Variants in PROC observed in about 807,000 individuals in gnomAD.
PROC encodes the protein protein C, inactivator of coagulation factors Va and VIIIa, also known as vitamin K-dependent protein C.
A neutral mutation model predicts 36.3 loss-of-function variants in PROC; 22 were observed. The ratio of observed to expected loss-of-function variants is 0.61; its 90% CI spans 0.43 to 0.86. PROC has a LOEUF of 0.86. PROC is among the 40% of genes least tolerant of loss of function. The pLI, the probability that PROC is intolerant of heterozygous loss-of-function variation, is 0.00. For missense variants in PROC, 526 were observed against 629.7 expected, an observed-to-expected ratio of 0.84 and a Z score of 1.76; for synonymous variants, 218 against 244.5, an observed-to-expected ratio of 0.89 and a Z score of 1.01.
intron 8 of PROC, among the ~76,000 whole-genome samples, 196 bp from the exon 9 acceptor site, chr2:127,428,161 C>T (rs1036389722): frequency 1.3e-5 from 2 of 152,208 alleles, no homozygotes; most frequent in African/African-American, 2.4e-5. Flanking sequence ...GAAAAGTCAC[C>T]GTTGATAGGG....
In PROC at chr2:127,425,791, G is replaced by A. The variant is rs79471708; in HGVS notation, c.536-294G>A. 2.0e-4 allele frequency among the ~76,000 whole-genome samples: 30 copies of A among 152,012 alleles called. No homozygotes were observed. The East Asian group carries it at 5.6e-3, about 28-fold the overall frequency. ...CAGGGATTACCCCCAACAGCCCTGG[G>A]GTACAATGAGCCTTCAAGAAGTTTA... On this transcript the variant is annotated intron_variant, in intron 6 of 8. Coordinates refer to ENST00000234071, the MANE Select transcript of PROC (RefSeq NM_000312.4).
In PROC at chr2:127,418,818, G is replaced by A. The variant is rs995589321; in HGVS notation, c.-22+326G>A. Reference sequence around the variant, plus strand: ...TCGGATTTGAACAAATCTCAGAAGTGGCCTCAGAGGGAGTCGGCAAGAATG... The same window carrying A: ...TCGGATTTGAACAAATCTCAGAAGTAGCCTCAGAGGGAGTCGGCAAGAATG... On this transcript the variant is annotated intron_variant, in intron 1 of 8. Transcript: ENST00000234071. This position sits in a 1 kb window ranked among gnomAD's most constrained non-coding sequence, Gnocchi z 4.8. Among the ~76,000 whole-genome samples the A allele has an allele frequency of 5.3e-5, 8 of 152,190 alleles. No individual in the cohort carries two copies. Among genetic ancestry groups the A allele is most frequent in the African/African-American group, 1.7e-4 (7 of 41,456 alleles).
chr2:127,419,782 G>A (rs1444331638), intron 1 of PROC, 140 bp from the exon 2 acceptor site: 2 of 1,523,232 alleles, frequency 1.3e-6, no homozygotes, highest in East Asian at 2.5e-5. Flanking sequence ...TATGTCTCTA[G>A]CGAACAAGGA....
At chr2:127,422,624 G>T (rs1434792377) in intron 3 of PROC, among the ~76,000 whole-genome samples, 2 of 152,246 alleles carry the variant, frequency 1.3e-5, no homozygotes, top group Admixed American at 6.5e-5. Context: ...TCCCTTGCAT[G>T]CCAGAGGCTG....
intron 3 of PROC, 113 bp from the exon 4 acceptor site, chr2:127,422,800 CTGTT>C: frequency 7.1e-7 from 1 of 1,402,802 alleles, no homozygotes; most frequent in Non-Finnish European, 9.7e-7. Flanking sequence ...GCGTCGATCC[CTGTT>C]TGTCTGGAAG....
intron 6 of PROC, chr2:127,423,679 A>C: frequency 4.1e-6 from 2 of 486,754 alleles, no homozygotes; most frequent in South Asian, 3.1e-5. Flanking sequence ...ACCTGGGGCC[A>C]CCTCCTGGAG....
Position 127,428,926 on chromosome 2 carries a change from C to T in PROC, c.1366C>T (p.Gln456Ter). ...HGHIRDKEAP[Q>*]KSWAP ...GCACATCAGAGACAAGGAAGCCCCC[C>T]AGAAGAGCTGGGCACCTTAGCGACC... Residue 456 changes from glutamine (Q) to a stop codon, truncating the protein, a stop_gained, in exon 9 of 9, where the codon CAG becomes TAG. Transcript: ENST00000234071. LOFTEE classifies it high-confidence loss of function. 1.2e-6 allele frequency: 2 copies of T among 1,613,970 alleles called. No individual in the cohort carries two copies. The highest frequency in any genetic ancestry group is 2.2e-5 in the South Asian group (2 of 91,090).
Position 127,423,174 on chromosome 2 carries a change from G to A in PROC, c.400+3G>A. ...GGAGGGCCGCTTCTGCCAGCGCGGT[G>A]AGGGGGAGAGGTGGATGCTGGCGGG... On this transcript the variant is annotated splice_donor_region_variant and intron_variant, in intron 5 of 8. Coordinates refer to ENST00000234071, the MANE Select transcript of PROC (RefSeq NM_000312.4). 6.4e-7 allele frequency: 1 copy of A among 1,567,090 alleles called. No homozygotes were observed. Among genetic ancestry groups the A allele is most frequent in the Non-Finnish European group, 8.6e-7 (1 of 1,156,142 alleles).
chr2:127,425,934 T>C (rs758219878), intron 6 of PROC, 151 bp from the exon 7 acceptor site: 5 of 782,428 alleles, frequency 6.4e-6, no homozygotes, highest in South Asian at 4.5e-5. Flanking sequence ...AGGGGGTTCA[T>C]AGCTAATATT....
chr2:127,419,678 C>A, intron 1 of PROC: 1 of 832,496 alleles, frequency 1.2e-6, no homozygotes, highest in Non-Finnish European at 1.8e-6. Flanking sequence ...CACAAACATC[C>A]TGGCACCCTC....
In PROC at chr2:127,426,748, G is replaced by A. The variant is rs190103271; in HGVS notation, c.679-357G>A. Among the ~76,000 whole-genome samples the A allele has an allele frequency of 5.3e-4, 81 of 152,310 alleles. 1 individual carries two copies. The East Asian group carries it at 0.012, about 22-fold the overall frequency. On this transcript the variant is annotated intron_variant, in intron 7 of 8. Coordinates refer to ENST00000234071, the MANE Select transcript of PROC (RefSeq NM_000312.4). This position sits in a 1 kb window ranked among gnomAD's most constrained non-coding sequence, Gnocchi z 7.0. ...AGCCAGGACGGCCCTTCAAGATAGG[G>A]GCTGAGGGAGGCCCAAGGGGAACAT...
chr2:127,420,978 G>A (rs1337910727), intron 2 of PROC, among the ~76,000 whole-genome samples: 4 of 152,194 alleles, frequency 2.6e-5, no homozygotes, highest in South Asian at 2.1e-4. Context: ...TTTTGGATGA[G>A]TAAATTGAAC....
In PROC at chr2:127,426,384, G is replaced by A. The variant is rs751202257; in HGVS notation, c.678+157G>A. ...GGGGATGCTTCAGGGAAAGATGGAC[G>A]CAACCTGAGGGGAGAGGAGCAGCCA... is the stretch of plus-strand genomic sequence containing the variant. On this transcript the variant is annotated intron_variant, in intron 7 of 8. Coordinates refer to ENST00000234071, the MANE Select transcript of PROC (RefSeq NM_000312.4). The surrounding 1 kb of genome is among the most constrained non-coding windows in gnomAD (Gnocchi z 7.0). 2.1e-5 allele frequency: 23 copies of A among 1,103,934 alleles called. No homozygotes were observed. Among genetic ancestry groups the A allele is most frequent in the South Asian group, 5.8e-5 (4 of 69,184 alleles). The allele number at this position is 1,103,934 out of a possible 1,614,324, so 68.4% of individuals were successfully genotyped here. A position where few individuals can be genotyped will look rare whatever the true frequency, so the allele number is the denominator to read the frequency against.
chr2:127,429,195 G>A lies in PROC; in HGVS notation c.*249G>A. On this transcript the variant is annotated 3_prime_UTR_variant, in exon 9 of 9. Transcript: ENST00000234071. Reference sequence around the variant, plus strand: ...TGCGGGGTCTAAAGCTGTGTGTGTTGAGGGGGATACTCTGTTTATGAAAAA... The same window carrying A: ...TGCGGGGTCTAAAGCTGTGTGTGTTAAGGGGGATACTCTGTTTATGAAAAA... The A allele has an allele frequency of 1.8e-6, 1 of 543,306 alleles. No homozygotes were observed. The highest frequency in any genetic ancestry group is 2.3e-5 in the South Asian group (1 of 42,976). 33.7% of individuals were successfully genotyped at this position (543,306 alleles called of 1,614,324 possible).
Position 127,421,540 on chromosome 2 carries a change from G to A in PROC, c.237+91G>A, listed in dbSNP as rs925524338. On this transcript the variant is annotated intron_variant, in intron 3 of 8. Transcript: ENST00000234071. ...GGAGCAGGTGGGGACTCAATGCTGA[G>A]GCCCTCTTAGGAGTTGTGGGGGTGG... is the stretch of plus-strand genomic sequence containing the variant. 8.8e-6 allele frequency: 13 copies of A among 1,471,074 alleles called. No homozygotes were observed. In the South Asian group the frequency reaches 1.1e-4, roughly 12 times the overall value. 91.1% of individuals were successfully genotyped at this position (1,471,074 alleles called of 1,614,324 possible). A position where few individuals can be genotyped will look rare whatever the true frequency, so the allele number is the denominator to read the frequency against.
intron 1 of PROC, 133 bp from the exon 2 acceptor site, chr2:127,419,789 A>G: frequency 2.6e-6 from 4 of 1,537,750 alleles, no homozygotes; most frequent in Non-Finnish European, 3.5e-6. Context: ...CTAGCGAACA[A>G]GGACCCTCAA....
At position 127,418,541 on chromosome 2, in the gene PROC, C is replaced by T. The variant is rs1421538175; in HGVS notation, c.-22+49C>T. ...TATGAGGGGTGTGGAGGGAGGGCTGCCCCCGGGAGAAGAGAGCTAGGTGGT... is the reference window on the plus strand; with the variant it reads ...TATGAGGGGTGTGGAGGGAGGGCTGTCCCCGGGAGAAGAGAGCTAGGTGGT... On this transcript the variant is annotated intron_variant, in intron 1 of 8. Transcript: ENST00000234071. The surrounding 1 kb of genome is among the most constrained non-coding windows in gnomAD (Gnocchi z 4.8). The T allele has an allele frequency of 7.8e-7, 1 of 1,274,684 alleles. No individual in the cohort carries two copies. The highest frequency in any genetic ancestry group is 5.6e-5 in the East Asian group (1 of 17,946). 79.0% of individuals were successfully genotyped at this position (1,274,684 alleles called of 1,614,324 possible). A position where few individuals can be genotyped will look rare whatever the true frequency, so the allele number is the denominator to read the frequency against.
chr2:127,419,668 C>T, intron 1 of PROC: 1 of 738,534 alleles, frequency 1.4e-6, no homozygotes. Context: ...CCAGGGAGGA[C>T]ACAAACATCC....
rs528652945 is a variant in PROC, at chr2:127,425,102, C to T, written c.536-983C>T. 7.9e-5 allele frequency among the ~76,000 whole-genome samples: 12 copies of T among 152,314 alleles called. No homozygotes were observed. The East Asian group carries it at 1.7e-3, about 22-fold the overall frequency. On this transcript the variant is annotated intron_variant, in intron 6 of 8. Transcript: ENST00000234071. ...GAGTCAAGTCAGTGAGGAGGGCTTT[C>T]GCAGTTTCTCTTACAAACTCTCAAC...
Sources: allele counts gnomAD v4.1 joint callset (sites outside exome capture counted in the v4.1 genomes callset), GRCh38; gene constraint gnomAD v4.1.1; non-coding constraint Gnocchi (gnomAD v3.1); transcripts MANE v1.5; gene names NCBI Gene and HGNC (gene_info 2026-07-23, HGNC 2026-07-21).